The following B3GALT5 variants were observed in gnomAD, a reference collection of about 807,000 sequenced individuals.
The protein encoded by B3GALT5 is UDP-Gal:betaGlcNAc beta 1,3-galactosyltransferase, polypeptide 5.
For synonymous variants in B3GALT5, 156 were observed against 158.6 expected, an observed-to-expected ratio of 0.98 and a Z score of 0.12; for missense variants, 328 against 396.6, an observed-to-expected ratio of 0.83 and a Z score of 1.47.
chr21:39,647,374 T>C (rs2079350602), intron 2 of B3GALT5, among the ~76,000 whole-genome samples: 1 of 152,206 alleles, frequency 6.6e-6, no homozygotes, highest in Non-Finnish European at 1.5e-5. Context: ...CTCATATAAA[T>C]TGAAATCCAG....
Position 39,650,145 on chromosome 21 carries a change from G to C in B3GALT5, c.-161+3523G>C, listed in dbSNP as rs983590602. Among the ~76,000 whole-genome samples, 3 of 152,166 alleles carry C rather than the reference G, an allele frequency of 2.0e-5. 1 individual carries two copies. In the East Asian group the frequency reaches 5.8e-4, roughly 29 times the overall value. On this transcript the variant is annotated intron_variant, in intron 2 of 3. Coordinates refer to ENST00000684187, the MANE Select transcript of B3GALT5 (RefSeq NM_001356336.2). ...GGCAGTGGAAGGGCCTGGGATGAAG[G>C]TGCAGGGCTCTGCTTCTCCACTGAG...
intron 1 of B3GALT5, among the ~76,000 whole-genome samples, chr21:39,622,062 A>G (rs1569206264): frequency 6.6e-6 from 1 of 152,016 alleles, no homozygotes; most frequent in Non-Finnish European, 1.5e-5. Flanking sequence ...TGCTGTCCAC[A>G]GGTTTTGATA....
intron 1 of B3GALT5, among the ~76,000 whole-genome samples, chr21:39,621,179 T>C (rs1435336002): frequency 6.6e-6 from 1 of 152,212 alleles, no homozygotes; most frequent in Non-Finnish European, 1.5e-5. Context: ...CTATCAAATA[T>C]GTCTATTTTA....
At position 39,661,005 on chromosome 21, in the gene B3GALT5, C is replaced by A. The variant is rs372607334; in HGVS notation, c.446C>A (p.Ala149Glu). Residue 149 changes from alanine (A) to glutamate (E), a missense_variant, in exon 4 of 4, where the codon GCG becomes GAG. Physicochemically the swap from Ala to Glu is moderately radical, Grantham distance 107 (BLOSUM62 -1). Transcript: ENST00000684187. This position sits in a 1 kb window ranked among gnomAD's most constrained non-coding sequence, Gnocchi z 4.7. The part of the protein sequence containing the change: ...IEWVHRFCPQ[A>E]AFVMKTDSDM... ...TGGGTCCATCGCTTTTGTCCTCAGG[C>A]GGCGTTTGTGATGAAAACAGACTCA... 3.1e-6 allele frequency: 5 copies of A among 1,613,012 alleles called. No individual in the cohort carries two copies. The African/African-American group carries it at 4.0e-5, about 13-fold the overall frequency.
intron 1 of B3GALT5, among the ~76,000 whole-genome samples, chr21:39,613,675 AGTGCGTGTGTGT>A (rs1391396838): frequency 6.6e-6 from 1 of 151,648 alleles, no homozygotes; most frequent in East Asian, 1.9e-4. Flanking sequence ...TGTGTGTGTG[AGTGCGTGTGTGT>A]GTGCGCGCGT....
chr21:39,631,072 G>A (rs2079189541), intron 1 of B3GALT5, among the ~76,000 whole-genome samples: 2 of 152,184 alleles, frequency 1.3e-5, no homozygotes, highest in Non-Finnish European at 2.9e-5. Flanking sequence ...TACATAGAAG[G>A]CACATTGCAA....
At position 39,666,844 on chromosome 21, in the gene B3GALT5, C is replaced by T. The variant is rs1194934520; in HGVS notation, c.*5352C>T. 1 of 152,314 alleles carries T rather than the reference C, an allele frequency of 6.6e-6. No individual in the cohort carries two copies. Among genetic ancestry groups the T allele is most frequent in the African/African-American group, 2.4e-5 (1 of 41,444 alleles). 9.4% of individuals were successfully genotyped at this position (152,314 alleles called of 1,614,324 possible). A position where few individuals can be genotyped will look rare whatever the true frequency, so the allele number is the denominator to read the frequency against. ...TTTCCTTGAGCCCCATATCCCACGC[C>T]CGCTGTGCTAACCTCTGGCTTGCCG... On this transcript the variant is annotated 3_prime_UTR_variant, in exon 4 of 4. Transcript: ENST00000684187.
At chr21:39,613,516 G>A (rs1414968862) in intron 1 of B3GALT5, among the ~76,000 whole-genome samples, 1 of 152,252 alleles carries the variant, frequency 6.6e-6, no homozygotes, top group Non-Finnish European at 1.5e-5. Flanking sequence ...GCAGGATCAT[G>A]AGAAAGACAG....
At chr21:39,658,864 A>G (rs532963753) in intron 2 of B3GALT5, among the ~76,000 whole-genome samples, 23 of 67,686 alleles carry the variant, frequency 3.4e-4, no homozygotes, top group Non-Finnish European at 8.6e-4. Flanking sequence ...AAGCTCCATT[A>G]TTATATTCCT....
At position 39,656,404 on chromosome 21, in the gene B3GALT5, C is replaced by T. The variant is rs149203495; in HGVS notation, c.-160-3349C>T. 3.2e-3 allele frequency among the ~76,000 whole-genome samples: 493 copies of T among 152,332 alleles called. 4 individuals carry two copies. Among genetic ancestry groups the T allele is most frequent in the African/African-American group, 0.011 (471 of 41,566 alleles). ...CTGGAATTCCCATCCCCTGGTTCCA[C>T]CTGTTACATCACACCTCCCCTTCAA... On this transcript the variant is annotated intron_variant, in intron 2 of 3. Transcript: ENST00000684187.
rs1331607764 is a variant in B3GALT5 at position 39,671,218 on chromosome 21, C to T, written c.*9726C>T. 1 of 152,252 alleles carries T rather than the reference C, an allele frequency of 6.6e-6. No individual in the cohort carries two copies. Among genetic ancestry groups the T allele is most frequent in the African/African-American group, 2.4e-5 (1 of 41,464 alleles). 9.4% of individuals were successfully genotyped at this position (152,252 alleles called of 1,614,324 possible). ...CGCTGTTGCACTGGGGATTAAGTTTCCTTACACATGCACTTTGGGGGACAC... is the reference window on the plus strand; with the variant it reads ...CGCTGTTGCACTGGGGATTAAGTTTTCTTACACATGCACTTTGGGGGACAC... On this transcript the variant is annotated 3_prime_UTR_variant, in exon 4 of 4. Coordinates refer to ENST00000684187, the MANE Select transcript of B3GALT5 (RefSeq NM_001356336.2).
At chr21:39,613,641 T>A (rs2079092312) in intron 1 of B3GALT5, among the ~76,000 whole-genome samples, 1 of 152,144 alleles carries the variant, frequency 6.6e-6, no homozygotes. Context: ...AACATTATTT[T>A]AAAAACAATA....
rs1020248157 is a variant in B3GALT5, at chr21:39,666,916, C to T, written c.*5424C>T. 6.6e-6 allele frequency: 1 copy of T among 152,342 alleles called. No individual in the cohort carries two copies. Among genetic ancestry groups the T allele is most frequent in the African/African-American group, 2.4e-5 (1 of 41,460 alleles). 9.4% of individuals were successfully genotyped at this position (152,342 alleles called of 1,614,324 possible). Reference sequence around the variant, plus strand: ...CCCGACTCGAGCCACCTCCTCCTAACTGGTCCCACGGGCCTGTCCCTGCCA... The same window carrying T: ...CCCGACTCGAGCCACCTCCTCCTAATTGGTCCCACGGGCCTGTCCCTGCCA... On this transcript the variant is annotated 3_prime_UTR_variant, in exon 4 of 4. Transcript: ENST00000684187.
chr21:39,636,533 A>G (rs1000112770), intron 1 of B3GALT5, among the ~76,000 whole-genome samples: 2 of 152,276 alleles, frequency 1.3e-5, no homozygotes, highest in African/African-American at 2.4e-5. Flanking sequence ...ACTGGCCAAC[A>G]AGGCAGCCCC....
At position 39,669,655 on chromosome 21, in the gene B3GALT5, G is replaced by C. The variant is rs1304595426; in HGVS notation, c.*8163G>C. 6.6e-6 allele frequency: 1 copy of C among 152,118 alleles called. No individual in the cohort carries two copies. The highest frequency in any genetic ancestry group is 6.5e-5 in the Admixed American group (1 of 15,276). 9.4% of individuals were successfully genotyped at this position (152,118 alleles called of 1,614,324 possible). A position where few individuals can be genotyped will look rare whatever the true frequency, so the allele number is the denominator to read the frequency against. On this transcript the variant is annotated 3_prime_UTR_variant, in exon 4 of 4. Coordinates refer to ENST00000684187, the MANE Select transcript of B3GALT5 (RefSeq NM_001356336.2). ...GCTGTTTCACTGAAACCCCACAGCA[G>C]CCTCTGGAGGGCACCATTCTTATAA...
chr21:39,623,958 C>G (rs2079150848), intron 1 of B3GALT5, among the ~76,000 whole-genome samples: 1 of 152,190 alleles, frequency 6.6e-6, no homozygotes, highest in Admixed American at 6.5e-5. Flanking sequence ...GCTACATCTC[C>G]TTTGTCTGTC....
chr21:39,645,829 A>G (rs2079332897), intron 1 of B3GALT5, among the ~76,000 whole-genome samples: 1 of 152,068 alleles, frequency 6.6e-6, no homozygotes, highest in Admixed American at 6.6e-5. Context: ...CCTGTTAGCC[A>G]AACTGTCCCG....
intron 1 of B3GALT5, among the ~76,000 whole-genome samples, chr21:39,614,505 C>T (rs1053101053): frequency 2.6e-5 from 4 of 152,198 alleles, no homozygotes; most frequent in African/African-American, 9.6e-5. Context: ...TTCTTCCAGA[C>T]AAGGGCATCC....
chr21:39,645,670 C>G (rs2079330873), intron 1 of B3GALT5, among the ~76,000 whole-genome samples: 1 of 152,176 alleles, frequency 6.6e-6, no homozygotes, highest in African/African-American at 2.4e-5. Context: ...GCCAGAGTCT[C>G]TGCTGGCTAA....
Sources: gnomAD v4.1 joint callset for allele counts (sites outside exome capture counted in the v4.1 genomes callset) on GRCh38, gnomAD v4.1.1 for gene constraint, Gnocchi (gnomAD v3.1) non-coding constraint, MANE v1.5 for transcripts, NCBI Gene and HGNC (gene_info 2026-07-23, HGNC 2026-07-21) for gene names.